Variants in HSD17B12 observed in about 807,000 individuals in gnomAD.
HSD17B12 encodes the protein hydroxysteroid 17-beta dehydrogenase 12.
Under a neutral mutation model 39.3 loss-of-function variants are expected in HSD17B12, and 32 were observed. The observed-to-expected ratio is 0.81, with a 90% CI of 0.61 to 1.09. HSD17B12 has a LOEUF of 1.09. Among genes scored for constraint, HSD17B12 ranks in the 50% least tolerant of loss-of-function variants. The probability of loss-of-function intolerance (pLI) is 0.00; values close to 1 mark genes in which losing one functional copy is unlikely to be tolerated. For synonymous variants in HSD17B12, 150 were observed against 146.7 expected, an observed-to-expected ratio of 1.02 and a Z score of -0.16; for missense variants, 342 against 382.9, an observed-to-expected ratio of 0.89 and a Z score of 0.89.
chr11:43,619,732 A>T, the HSD17B12 span, among the ~76,000 whole-genome samples: 4 of 152,140 alleles, frequency 2.6e-5, no homozygotes, highest in Non-Finnish European at 4.4e-5. Context: ...TGGATCATGT[A>T]TACTAAGAAT....
chr11:43,605,763 C>T, the HSD17B12 span, among the ~76,000 whole-genome samples: 8 of 152,110 alleles, frequency 5.3e-5, no homozygotes, highest in African/African-American at 9.6e-5. Flanking sequence ...GCTATATAAA[C>T]GTAAATAATT....
intron 1 of HSD17B12, among the ~76,000 whole-genome samples, chr11:43,729,276 A>C (rs1272778387): frequency 2.0e-5 from 3 of 152,216 alleles, no homozygotes; most frequent in Non-Finnish European, 4.4e-5. Context: ...GAATTTAATA[A>C]AATACCAAGT....
At chr11:43,625,842 T>A in the HSD17B12 span, among the ~76,000 whole-genome samples, 3 of 151,388 alleles carry the variant, frequency 2.0e-5, no homozygotes, top group Non-Finnish European at 4.4e-5. Context: ...TGATTCTTTA[T>A]TTTCTCTCAC....
In HSD17B12 at chr11:43,781,316, C is replaced by A. The variant is rs12225011; in HGVS notation, c.284-17004C>A. On this transcript the variant is annotated intron_variant, in intron 3 of 10. Transcript: ENST00000278353. ...ATATTATGCAAGGATGCTATGAAAT[C>A]ATTAAAAATGTTTGTCTGTATATGC... Among the ~76,000 whole-genome samples, 293 of 152,208 alleles carry A rather than the reference C, an allele frequency of 1.9e-3. 5 individuals carry two copies. In the East Asian group the frequency reaches 0.045, roughly 23 times the overall value.
At chr11:43,801,570 T>C (rs1279739563) in intron 4 of HSD17B12, among the ~76,000 whole-genome samples, 3 of 151,038 alleles carry the variant, frequency 2.0e-5, no homozygotes, top group Admixed American at 1.3e-4. Flanking sequence ...GATGTCTAAG[T>C]TGACTTGTTT....
At chr11:43,733,806 A>G in intron 1 of HSD17B12, 1 of 715,500 alleles carries the variant, frequency 1.4e-6, no homozygotes, top group Non-Finnish European at 2.5e-6. Flanking sequence ...GCCTGGTCTT[A>G]GCCGTTGCAG....
At chr11:43,629,570 G>T in the HSD17B12 span, among the ~76,000 whole-genome samples, 6 of 152,186 alleles carry the variant, frequency 3.9e-5, no homozygotes, top group African/African-American at 7.2e-5. Flanking sequence ...GGTCCCATTC[G>T]TGGAGTTTAT....
chr11:43,669,810 G>A, the HSD17B12 span, among the ~76,000 whole-genome samples: 2 of 152,140 alleles, frequency 1.3e-5, no homozygotes, highest in Non-Finnish European at 2.9e-5. Flanking sequence ...ATCTTAACCT[G>A]ATTACATCTG....
At chr11:43,590,793 T>C in the HSD17B12 span, among the ~76,000 whole-genome samples, 9,327 of 144,296 alleles carry the variant, frequency 0.065, 381 homozygotes, top group South Asian at 0.15. Context: ...TACAGGCCAC[T>C]GCACCCAGCT....
intron 1 of HSD17B12, among the ~76,000 whole-genome samples, chr11:43,690,070 T>C (rs1320433108): frequency 2.0e-5 from 3 of 151,918 alleles, no homozygotes; most frequent in Non-Finnish European, 2.9e-5. Context: ...TGCAGAAATA[T>C]CACCTTTTCA....
chr11:43,783,988 G>A (rs570365502), intron 3 of HSD17B12, among the ~76,000 whole-genome samples: 55 of 152,208 alleles, frequency 3.6e-4, no homozygotes, highest in African/African-American at 1.2e-3. Context: ...TTAATATCTG[G>A]CATTGTAGCA....
intron 3 of HSD17B12, among the ~76,000 whole-genome samples, chr11:43,754,536 A>G (rs1210860455): frequency 6.6e-6 from 1 of 152,200 alleles, no homozygotes; most frequent in Admixed American, 6.5e-5. Context: ...AGATAGTCCC[A>G]CTGCACTCCA....
At chr11:43,813,230 A>G (rs893707972) in intron 4 of HSD17B12, among the ~76,000 whole-genome samples, 1 of 152,168 alleles carries the variant, frequency 6.6e-6, no homozygotes, top group African/African-American at 2.4e-5. Context: ...CTTTGTACTT[A>G]TAGTACATGT....
the HSD17B12 span, among the ~76,000 whole-genome samples, chr11:43,666,878 T>C: frequency 6.6e-6 from 1 of 152,236 alleles, no homozygotes; most frequent in Non-Finnish European, 1.5e-5. Context: ...ATGAAGTCAG[T>C]ACATCTGCCA....
rs995844730 is a variant in HSD17B12, at chr11:43,690,185, C to T, written c.160+9198C>T. ...TTCCTTTTTGTCATAGCACTTGTCACCATCTCCCCTACTGTATACTTTGCT... is the reference window on the plus strand; with the variant it reads ...TTCCTTTTTGTCATAGCACTTGTCATCATCTCCCCTACTGTATACTTTGCT... On this transcript the variant is annotated intron_variant, in intron 1 of 10. Transcript: ENST00000278353. Among the ~76,000 whole-genome samples the T allele has an allele frequency of 3.3e-5, 5 of 151,320 alleles. No individual in the cohort carries two copies. The South Asian group carries it at 1.0e-3, about 32-fold the overall frequency.
intron 1 of HSD17B12, among the ~76,000 whole-genome samples, chr11:43,736,939 T>C (rs985685994): frequency 1.3e-5 from 2 of 152,224 alleles, no homozygotes; most frequent in African/African-American, 2.4e-5. Context: ...AATAGCAATT[T>C]TCTTTCCATG....
chr11:43,565,037 T>G, the HSD17B12 span, among the ~76,000 whole-genome samples: 1 of 152,000 alleles, frequency 6.6e-6, no homozygotes, highest in African/African-American at 2.4e-5. Context: ...GTAGCTGGGA[T>G]TACAGGTGCC....
At chr11:43,579,555 T>C in the HSD17B12 span, 18,636 of 152,058 alleles carry the variant, frequency 0.12, 1,429 homozygotes, top group Middle Eastern at 0.26. Context: ...CGGCTGGTGG[T>C]CGGTCGGCTC....
At chr11:43,596,266 T>C in the HSD17B12 span, among the ~76,000 whole-genome samples, 1 of 152,102 alleles carries the variant, frequency 6.6e-6, no homozygotes, top group Non-Finnish European at 1.5e-5. Flanking sequence ...TGGAGAGAAC[T>C]GTGATTTAGT....
Sources: gnomAD v4.1 joint callset for allele counts (sites outside exome capture counted in the v4.1 genomes callset) on GRCh38, gnomAD v4.1.1 for gene constraint, MANE v1.5 for transcripts, NCBI Gene and HGNC (gene_info 2026-07-23, HGNC 2026-07-21) for gene names.